Variants in KLHL1 observed in about 807,000 individuals in gnomAD.
KLHL1 encodes the protein kelch like family member 1.
In KLHL1, 47 loss-of-function variants were observed where a neutral mutation model predicts 77.7. The observed-to-expected ratio is 0.60, with a 90% CI of 0.48 to 0.77. KLHL1 has a LOEUF of 0.77. Ranked by LOEUF, KLHL1 falls within the 30% of genes least tolerant of loss-of-function variation. The pLI is 0.00. For missense variants in KLHL1, 925 were observed against 910.8 expected (o/e 1.02, Z -0.20); for synonymous variants, 360 against 325.2 (o/e 1.11, Z -1.15).
chr13:70,010,105 CAA>C (rs200473264), intron 1 of KLHL1, among the ~76,000 whole-genome samples: 14,118 of 151,606 alleles, frequency 0.093, 713 homozygotes, highest in Non-Finnish European at 0.11. Flanking sequence ...AGTGGAAGAA[CAA>C]AAGAGAGTGC....
intron 1 of KLHL1, among the ~76,000 whole-genome samples, chr13:70,038,432 C>T (rs1309288752): frequency 1.3e-5 from 2 of 152,048 alleles, no homozygotes; most frequent in East Asian, 1.9e-4. Flanking sequence ...AGGGCAATTG[C>T]TGGGTCATGT....
intron 1 of KLHL1, among the ~76,000 whole-genome samples, chr13:70,092,587 TATA>T (rs1434890541): frequency 5.7e-4 from 87 of 152,302 alleles, no homozygotes; most frequent in African/African-American, 2.0e-3. Context: ...CACTTGATAT[TATA>T]ATGATTCGTA....
At chr13:69,778,759 C>G (rs1875964221) in intron 7 of KLHL1, among the ~76,000 whole-genome samples, 1 of 146,242 alleles carries the variant, frequency 6.8e-6, no homozygotes. Context: ...TTTATATCTA[C>G]TGTATATAAT....
At chr13:69,747,295 T>C (rs930503473) in intron 7 of KLHL1, among the ~76,000 whole-genome samples, 4 of 152,068 alleles carry the variant, frequency 2.6e-5, no homozygotes, top group East Asian at 1.9e-4. Flanking sequence ...GATAATGTAA[T>C]ATAATCTATT....
At chr13:69,967,588 T>C (rs987104231) in intron 2 of KLHL1, among the ~76,000 whole-genome samples, 2 of 152,156 alleles carry the variant, frequency 1.3e-5, no homozygotes, top group African/African-American at 4.8e-5. Flanking sequence ...AGAAAGGATT[T>C]AGAATATTAC....
chr13:69,740,428 G>A lies in KLHL1; in HGVS notation c.1768C>T (p.Arg590Trp), dbSNP rs773421153. The change falls in exon 8 of 11, where the codon CGG (arginine) becomes TGG (tryptophan). Residue 590 changes from arginine (R) to tryptophan (W), a missense_variant. Coordinates refer to ENST00000377844, the MANE Select transcript of KLHL1 (RefSeq NM_020866.3). ...AATGCTGCTACACCAACTGTGCTCC[G>A]AGCAATTGACATACTGGCTACAAAT... ...WTFVASMSIA[R>W]STVGVAALNG... is the part of the protein sequence containing the mutation. The A allele has an allele frequency of 1.7e-5, 27 of 1,609,298 alleles. No individual in the cohort carries two copies. Among genetic ancestry groups the A allele is most frequent in the African/African-American group, 4.0e-5 (3 of 74,820 alleles).
intron 4 of KLHL1, among the ~76,000 whole-genome samples, chr13:69,933,694 G>A (rs1360976417): frequency 6.6e-6 from 1 of 151,974 alleles, no homozygotes; most frequent in East Asian, 1.9e-4. Flanking sequence ...TATGAACAAG[G>A]CAGCCTTTAA....
Position 70,107,652 on chromosome 13 carries a change from T to G in KLHL1, c.48A>C (p.Arg16=). Residue 16 remains arginine (R), a synonymous_variant, in exon 1 of 11, where the codon CGA becomes CGC. Transcript: ENST00000377844. ...GGTGGCTGAAGAGTTTCCAGCGGAG[T>G]CGCAGAATGTGCTTCACATCGAAGT... ...RKDFDVKHIL[R]LRWKLFSHPS... The G allele has an allele frequency of 6.5e-7, 1 of 1,545,552 alleles. No homozygotes were observed. Among genetic ancestry groups the G allele is most frequent in the South Asian group, 1.3e-5 (1 of 78,684 alleles).
intron 5 of KLHL1, among the ~76,000 whole-genome samples, chr13:69,859,837 A>G (rs772355223): frequency 3.3e-5 from 5 of 152,116 alleles, no homozygotes; most frequent in Non-Finnish European, 4.4e-5. Context: ...AGGCAAATCT[A>G]GTGTCAACTT....
At chr13:69,818,107 A>G (rs1365788658) in intron 6 of KLHL1, among the ~76,000 whole-genome samples, 2 of 151,614 alleles carry the variant, frequency 1.3e-5, no homozygotes, top group Non-Finnish European at 2.9e-5. Context: ...TTCATCTGAC[A>G]GCCTTATTTT....
chr13:69,989,161 A>G (rs59093920), intron 1 of KLHL1, among the ~76,000 whole-genome samples: 23,745 of 152,004 alleles, frequency 0.16, 3,923 homozygotes, highest in African/African-American at 0.42. Flanking sequence ...GGGGTCCAGT[A>G]TCACTTTTCT....
chr13:69,865,423 CA>C lies in KLHL1; in HGVS notation c.1227+16859del, dbSNP rs151098591. ...TTAAAAAGGTTATAACTAAGAATAA[CA>C]TATATGATTCTAAGGATATGGTATG... is the stretch of plus-strand genomic sequence containing the variant. On this transcript the variant is annotated intron_variant, in intron 5 of 10. Coordinates refer to ENST00000377844, the MANE Select transcript of KLHL1 (RefSeq NM_020866.3). Among the ~76,000 whole-genome samples the C allele has an allele frequency of 5.9e-3, 891 of 152,230 alleles. 15 individuals are homozygous for C. The highest frequency in any genetic ancestry group is 0.02 in the African/African-American group (833 of 41,534).
chr13:70,106,716 C>T (rs144026251), intron 1 of KLHL1, among the ~76,000 whole-genome samples: 1 of 152,238 alleles, frequency 6.6e-6, no homozygotes, highest in African/African-American at 2.4e-5. Context: ...ATGTTGCTGT[C>T]CAGTGGCCTC....
chr13:69,878,890 G>A (rs530419803), intron 5 of KLHL1, among the ~76,000 whole-genome samples: 26 of 152,140 alleles, frequency 1.7e-4, no homozygotes, highest in African/African-American at 6.0e-4. Flanking sequence ...AGAAAATATG[G>A]TACATACACA....
At chr13:69,895,979 A>G (rs540599109) in intron 4 of KLHL1, among the ~76,000 whole-genome samples, 1 of 152,022 alleles carries the variant, frequency 6.6e-6, no homozygotes, top group Admixed American at 6.6e-5. Context: ...AAGTGCTGGG[A>G]TTACAGGCAT....
intron 1 of KLHL1, among the ~76,000 whole-genome samples, chr13:70,003,417 A>T (rs536760466): frequency 6.6e-6 from 1 of 151,780 alleles, no homozygotes; most frequent in East Asian, 1.9e-4. Context: ...ATGACATGTT[A>T]AATACATTCA....
At position 69,754,727 on chromosome 13, in the gene KLHL1, G is replaced by A. The variant is rs141970950; in HGVS notation, c.1640-14171C>T. ...CATATCCATGTTTAACATTCTCTCT[G>A]TTGCACAATGGCTTTTCTTTTTATC... On this transcript the variant is annotated intron_variant, in intron 7 of 10. Coordinates refer to ENST00000377844, the MANE Select transcript of KLHL1 (RefSeq NM_020866.3). 5.7e-3 allele frequency among the ~76,000 whole-genome samples: 860 copies of A among 152,126 alleles called. 5 individuals are homozygous for A. Among genetic ancestry groups the A allele is most frequent in the Middle Eastern group, 0.017 (5 of 294 alleles).
intron 7 of KLHL1, among the ~76,000 whole-genome samples, chr13:69,777,816 G>T (rs1434111917): frequency 6.6e-6 from 1 of 151,916 alleles, no homozygotes; most frequent in Admixed American, 6.6e-5. Flanking sequence ...TAACTAATCT[G>T]GACTTCCTAC....
chr13:69,707,766 C>G lies in KLHL1; in HGVS notation c.2046G>C (p.Met682Ile), dbSNP rs1875693328. Residue 682 changes from methionine to isoleucine, a missense_variant, in exon 10 of 11, where the codon ATG becomes ATC. By Grantham distance (10) the Met-to-Ile change is conservative. Coordinates refer to ENST00000377844, the MANE Select transcript of KLHL1 (RefSeq NM_020866.3). Reference sequence around the variant, plus strand: ...CTCTGGGCATACTCAAAGGAGCCACCATGGTCCAAGTGTCTGTTTTGGGAT... The same window carrying G: ...CTCTGGGCATACTCAAAGGAGCCACGATGGTCCAAGTGTCTGTTTTGGGAT... The part of the protein sequence containing the change: ...RYDPKTDTWT[M>I]VAPLSMPRDA... 1 of 1,612,498 alleles carries G rather than the reference C, an allele frequency of 6.2e-7. No homozygotes were observed. The highest frequency in any genetic ancestry group is 1.3e-5 in the African/African-American group (1 of 74,800).
Sources: allele counts gnomAD v4.1 joint callset (sites outside exome capture counted in the v4.1 genomes callset), GRCh38; gene constraint gnomAD v4.1.1; transcripts MANE v1.5; gene names NCBI Gene and HGNC (gene_info 2026-07-23, HGNC 2026-07-21).